Variants in UTRN observed in about 807,000 individuals in gnomAD.
UTRN encodes dystrophin-related protein 1.
UTRN carries 283 observed loss-of-function variants against 463.9 expected under a neutral mutation model. The observed-to-expected ratio is 0.61, with a 90% CI of 0.55 to 0.67. The LOEUF is 0.67. Among genes scored for constraint, UTRN ranks in the 30% least tolerant of loss-of-function variants. The pLI is 0.00. For missense variants in UTRN, 3,922 were observed against 4,084.3 expected, an observed-to-expected ratio of 0.96 and a Z score of 1.08; for synonymous variants, 1,442 against 1,431.5, an observed-to-expected ratio of 1.01 and a Z score of -0.17.
intron 65 of UTRN, among the ~76,000 whole-genome samples, chr6:144,813,120 T>C (rs1778766208): frequency 6.6e-6 from 1 of 152,136 alleles, no homozygotes; most frequent in African/African-American, 2.4e-5. Context: ...CTGGGGAAGA[T>C]GGTGGTAGCA....
intron 73 of UTRN, among the ~76,000 whole-genome samples, chr6:144,844,206 T>A (rs1781829096): frequency 6.6e-6 from 1 of 152,122 alleles, no homozygotes; most frequent in African/African-American, 2.4e-5. Flanking sequence ...TTTTAAAAAT[T>A]GATGCAAAAT....
chr6:144,437,591 C>T lies in UTRN; in HGVS notation c.1086C>T (p.His362=), dbSNP rs751402159. 3.1e-6 allele frequency: 5 copies of T among 1,613,230 alleles called. No individual in the cohort carries two copies. Among genetic ancestry groups the T allele is most frequent in the Middle Eastern group, 1.6e-4 (1 of 6,082 alleles). The change falls in exon 11 of 75, where the codon CAC becomes CAT. Residue 362 remains histidine, a synonymous_variant. Transcript: ENST00000367545. Reference sequence around the variant, plus strand: ...CTTTTATGATGGAACTGACTGCACACCAGAGCAGTGTGGGCAGCGTCCTGC... The same window carrying T: ...CTTTTATGATGGAACTGACTGCACATCAGAGCAGTGTGGGCAGCGTCCTGC... The part of the protein sequence containing the change: ...HEAFMMELTA[H]QSSVGSVLQA...
intron 51 of UTRN, among the ~76,000 whole-genome samples, chr6:144,674,638 C>T (rs1781411002): frequency 1.3e-5 from 2 of 152,242 alleles, no homozygotes; most frequent in South Asian, 4.1e-4. Context: ...CCCACTGCAA[C>T]CTCTGCCTCC....
chr6:144,772,020 T>TTG (rs2128733235), intron 59 of UTRN, 52 bp downstream of exon 59: 3 of 464,308 alleles, frequency 6.5e-6, no homozygotes, highest in Non-Finnish European at 5.2e-6. Context: ...GAACCGGTTT[T>TTG]TTTTTTTTTT....
In UTRN at chr6:144,481,292, G is replaced by C. The variant is rs112976713; in HGVS notation, c.3508-917G>C. On this transcript the variant is annotated intron_variant, in intron 26 of 74. Coordinates refer to ENST00000367545, the MANE Select transcript of UTRN (RefSeq NM_007124.3). ...TTATTTGTATTTATTGCCATTAAAAGTAATGGCATAAACTGCAATTACTTT... is the reference window on the plus strand; with the variant it reads ...TTATTTGTATTTATTGCCATTAAAACTAATGGCATAAACTGCAATTACTTT... Among the ~76,000 whole-genome samples the C allele has an allele frequency of 7.9e-3, 1,208 of 152,272 alleles. 14 individuals carry two copies. The highest frequency in any genetic ancestry group is 0.028 in the African/African-American group (1,145 of 41,540).
In UTRN at chr6:144,557,316, G is replaced by A. The variant is rs1799472134; in HGVS notation, c.7289+5G>A. ...ATGGATCAATCTCAAACAAAGGTAA[G>A]TCTAAGGCCCTGGCAGGTAAATGTA... is the stretch of plus-strand genomic sequence containing the variant. On this transcript the variant is annotated splice_donor_5th_base_variant and intron_variant, in intron 50 of 74. Coordinates refer to ENST00000367545, the MANE Select transcript of UTRN (RefSeq NM_007124.3). The A allele has an allele frequency of 6.2e-7, 1 of 1,610,482 alleles. No homozygotes were observed. The highest frequency in any genetic ancestry group is 8.5e-7 in the Non-Finnish European group (1 of 1,178,010).
Position 144,791,428 on chromosome 6 carries a change from C to T in UTRN, c.8920+2149C>T, listed in dbSNP as rs534351912. The stretch of plus-strand genomic sequence containing the variant: ...CCTCATCAAAAACACATTTACAGAC[C>T]AGGCACAGTGGTTCATGCCTGTAGT... On this transcript the variant is annotated intron_variant, in intron 62 of 74. Transcript: ENST00000367545. 4.6e-5 allele frequency among the ~76,000 whole-genome samples: 7 copies of T among 152,122 alleles called. No homozygotes were observed. In the South Asian group the frequency reaches 1.5e-3, roughly 32 times the overall value.
intron 34 of UTRN, among the ~76,000 whole-genome samples, 160 bp from the exon 35 acceptor site, chr6:144,510,784 A>G (rs1795099323): frequency 6.6e-6 from 1 of 152,198 alleles, no homozygotes; most frequent in Non-Finnish European, 1.5e-5. Context: ...TCACTATGTT[A>G]ATAAGTTTGG....
intron 2 of UTRN, among the ~76,000 whole-genome samples, chr6:144,344,800 G>A (rs191815355): frequency 6.6e-6 from 1 of 152,208 alleles, no homozygotes; most frequent in African/African-American, 2.4e-5. Flanking sequence ...TTGTACTTTG[G>A]GGGACAGTAT....
In UTRN at chr6:144,510,488, A is replaced by C. The variant is rs117935235; in HGVS notation, c.4765-456A>C. Among the ~76,000 whole-genome samples, 1,258 of 152,306 alleles carry C rather than the reference A, an allele frequency of 8.3e-3. 11 individuals carry two copies. Among genetic ancestry groups the C allele is most frequent in the South Asian group, 0.028 (136 of 4,826 alleles). ...TAAGATGTTATCCTTGCAAGTACCT[A>C]TAGTACACATCGATAGTTTCCTCTG... On this transcript the variant is annotated intron_variant, in intron 34 of 74. Transcript: ENST00000367545.
At chr6:144,785,692 TG>T (rs1776237387) in intron 61 of UTRN, among the ~76,000 whole-genome samples, 1 of 152,210 alleles carries the variant, frequency 6.6e-6, no homozygotes, top group Non-Finnish European at 1.5e-5. Flanking sequence ...TACTTAACAT[TG>T]GCATCTTAAT....
chr6:144,506,931 G>A (rs1794737686), intron 34 of UTRN, among the ~76,000 whole-genome samples: 1 of 151,908 alleles, frequency 6.6e-6, no homozygotes, highest in African/African-American at 2.4e-5. Context: ...TTTTCACATA[G>A]TCTCTTATTT....
chr6:144,317,175 C>G (rs1775334119), intron 2 of UTRN, among the ~76,000 whole-genome samples: 1 of 152,042 alleles, frequency 6.6e-6, no homozygotes, highest in Non-Finnish European at 1.5e-5. Context: ...CTGAGGACCC[C>G]CAAAACTCAG....
chr6:144,625,760 C>T lies in UTRN; in HGVS notation c.7479+48472C>T, dbSNP rs538575481. Reference sequence around the variant, plus strand: ...TTACCTTCTGTACCACAGAAGTAAACCTAAAGCACAGCCTTACTAAGATTG... The same window carrying T: ...TTACCTTCTGTACCACAGAAGTAAATCTAAAGCACAGCCTTACTAAGATTG... On this transcript the variant is annotated intron_variant, in intron 51 of 74. Transcript: ENST00000367545. Among the ~76,000 whole-genome samples, 40 of 152,296 alleles carry T rather than the reference C, an allele frequency of 2.6e-4. No individual in the cohort carries two copies. In the South Asian group the frequency reaches 6.2e-3, roughly 24 times the overall value.
chr6:144,630,136 C>T (rs1286155895), intron 51 of UTRN, among the ~76,000 whole-genome samples: 4 of 151,978 alleles, frequency 2.6e-5, no homozygotes, highest in South Asian at 2.1e-4. Flanking sequence ...TGCAGTGAGC[C>T]GAGATCTCGC....
chr6:144,346,886 C>G (rs938771078), intron 2 of UTRN, among the ~76,000 whole-genome samples: 5 of 151,964 alleles, frequency 3.3e-5, no homozygotes, highest in Non-Finnish European at 5.9e-5. Context: ...ATCTATCTAT[C>G]TATCTATCTA....
intron 2 of UTRN, among the ~76,000 whole-genome samples, chr6:144,397,620 A>G (rs1782559008): frequency 6.6e-6 from 1 of 151,308 alleles, no homozygotes; most frequent in African/African-American, 2.4e-5. Flanking sequence ...TATATTAAAC[A>G]TGTTCTTTTT....
intron 45 of UTRN, among the ~76,000 whole-genome samples, chr6:144,542,445 C>T (rs1312771880): frequency 1.3e-5 from 2 of 151,960 alleles, no homozygotes; most frequent in African/African-American, 4.8e-5. Flanking sequence ...GATGGATGGG[C>T]AGAGGAAAAG....
intron 26 of UTRN, among the ~76,000 whole-genome samples, chr6:144,481,641 A>G (rs902763034): frequency 1.3e-5 from 2 of 152,218 alleles, no homozygotes; most frequent in Non-Finnish European, 1.5e-5. Context: ...AAAATACTTC[A>G]TGTCAGTAAA....
Sources: allele counts gnomAD v4.1 joint callset (sites outside exome capture counted in the v4.1 genomes callset), GRCh38; gene constraint gnomAD v4.1.1; transcripts MANE v1.5; gene names NCBI Gene and HGNC (gene_info 2026-07-23, HGNC 2026-07-21).